LOC128092253: variants seen among roughly 807,000 people sequenced by gnomAD.
At chr6:133,972,199 A>C in the LOC128092253 span, among the ~76,000 whole-genome samples, 4 of 152,200 alleles carry the variant, frequency 2.6e-5, no homozygotes, top group Non-Finnish European at 5.9e-5. Context: ...TTGAGTCTAC[A>C]TCTCTAAAAA....
chr6:133,954,967 AT>A, the LOC128092253 span, among the ~76,000 whole-genome samples: 2 of 152,194 alleles, frequency 1.3e-5, no homozygotes, highest in African/African-American at 2.4e-5. Flanking sequence ...TGTTAAAGGA[AT>A]TTCATTCATG....
chr6:133,953,941 T>TTTA, the LOC128092253 span, among the ~76,000 whole-genome samples: 1 of 152,150 alleles, frequency 6.6e-6, no homozygotes. Context: ...CTCGCTTTAT[T>TTTA]TTATTATTAT....
At chr6:133,967,680 TAAAC>T in the LOC128092253 span, among the ~76,000 whole-genome samples, 1 of 152,190 alleles carries the variant, frequency 6.6e-6, no homozygotes, top group Non-Finnish European at 1.5e-5. Flanking sequence ...TTTGGGTATC[TAAAC>T]ATAGGAAAGG....
At chr6:133,954,438 C>T in the LOC128092253 span, among the ~76,000 whole-genome samples, 6 of 152,218 alleles carry the variant, frequency 3.9e-5, no homozygotes, top group Admixed American at 3.9e-4. Context: ...GCAGTTCCTT[C>T]CTATTGAGAA....
chr6:133,963,724 G>C, the LOC128092253 span, among the ~76,000 whole-genome samples: 669 of 151,792 alleles, frequency 4.4e-3, 6 homozygotes, highest in Non-Finnish European at 8.2e-3. Context: ...GCCTGTCCTT[G>C]TCTTTTTCTT....
At chr6:133,960,368 T>C in the LOC128092253 span, among the ~76,000 whole-genome samples, 485 of 151,548 alleles carry the variant, frequency 3.2e-3, 2 homozygotes, top group Middle Eastern at 0.014. Flanking sequence ...ATATTGCTAA[T>C]GGAAATCTGT....
chr6:133,974,420 G>A, the LOC128092253 span, among the ~76,000 whole-genome samples: 5 of 152,126 alleles, frequency 3.3e-5, no homozygotes, highest in Non-Finnish European at 5.9e-5. Flanking sequence ...TGCAACCTCC[G>A]CCTCCTGGGT....
chr6:133,955,928 A>C, the LOC128092253 span, among the ~76,000 whole-genome samples: 1 of 152,250 alleles, frequency 6.6e-6, no homozygotes, highest in African/African-American at 2.4e-5. Flanking sequence ...GAACACATAT[A>C]AAATGCAGAA....
the LOC128092253 span, among the ~76,000 whole-genome samples, chr6:133,970,158 T>C: frequency 6.6e-6 from 1 of 152,350 alleles, no homozygotes; most frequent in African/African-American, 2.4e-5. Context: ...GTGACCTCAA[T>C]TGACTCTGTC....
the LOC128092253 span, among the ~76,000 whole-genome samples, chr6:133,959,430 G>A: frequency 6.6e-6 from 1 of 152,144 alleles, no homozygotes; most frequent in African/African-American, 2.4e-5. Context: ...TTGAGACAAA[G>A]TTCTGTCTAA....
At chr6:133,961,621 C>T in the LOC128092253 span, among the ~76,000 whole-genome samples, 1 of 152,064 alleles carries the variant, frequency 6.6e-6, no homozygotes, top group Non-Finnish European at 1.5e-5. Context: ...GTGCACATCA[C>T]CATGCCCGAC....
chr6:133,963,842 A>G, the LOC128092253 span, among the ~76,000 whole-genome samples: 12 of 151,270 alleles, frequency 7.9e-5, no homozygotes, highest in East Asian at 2.4e-3. Context: ...CATCCTGGCT[A>G]ACGTGGTGAA....
At chr6:133,977,752 G>A in the LOC128092253 span, among the ~76,000 whole-genome samples, 1 of 151,116 alleles carries the variant, frequency 6.6e-6, no homozygotes, top group Non-Finnish European at 1.5e-5. Flanking sequence ...AGAAGAACAG[G>A]GATAATAAGG....
the LOC128092253 span, among the ~76,000 whole-genome samples, chr6:133,973,336 T>G: frequency 6.6e-6 from 1 of 152,316 alleles, no homozygotes; most frequent in African/African-American, 2.4e-5. Flanking sequence ...GTTAGAACCT[T>G]AGGGCCCATT....
chr6:133,973,036 A>G, the LOC128092253 span, among the ~76,000 whole-genome samples: 13 of 152,350 alleles, frequency 8.5e-5, no homozygotes, highest in Admixed American at 5.9e-4. Flanking sequence ...CAGATACGAA[A>G]GAACATCGTT....
the LOC128092253 span, among the ~76,000 whole-genome samples, chr6:133,973,866 C>G: frequency 4.6e-5 from 7 of 152,008 alleles, no homozygotes; most frequent in South Asian, 1.5e-3. Flanking sequence ...CAAGCTATGT[C>G]TTAATATTAG....
chr6:133,955,457 C>T, the LOC128092253 span, among the ~76,000 whole-genome samples: 4 of 151,918 alleles, frequency 2.6e-5, no homozygotes, highest in Admixed American at 6.6e-5. Context: ...ATGTGTCCTT[C>T]GCCTGCATGT....
the LOC128092253 span, among the ~76,000 whole-genome samples, chr6:133,961,381 C>T: frequency 2.6e-5 from 4 of 152,026 alleles, no homozygotes; most frequent in African/African-American, 9.7e-5. Flanking sequence ...TTGCTGTGCC[C>T]TCTGCCGGGT....
chr6:133,965,332 A>G, the LOC128092253 span, among the ~76,000 whole-genome samples: 5 of 152,206 alleles, frequency 3.3e-5, no homozygotes, highest in African/African-American at 1.2e-4. Context: ...GAAAACAAAT[A>G]CCTTACAATT....
Sources: gnomAD v4.1 joint callset for allele counts (sites outside exome capture counted in the v4.1 genomes callset) on GRCh38, gnomAD v4.1.1 for gene constraint, MANE v1.5 for transcripts.